FOCAD: variants seen among roughly 807,000 people sequenced by gnomAD.
FOCAD encodes focadhesin.
A neutral mutation model predicts 225.6 loss-of-function variants in FOCAD; 198 were observed. The ratio of observed to expected loss-of-function variants is 0.88; its 90% CI spans 0.78 to 0.99. FOCAD has a LOEUF of 0.99. Ranked by LOEUF, FOCAD falls within the 50% of genes least tolerant of loss-of-function variation. FOCAD has a pLI of 0.00. For missense variants in FOCAD, 2,713 were observed against 2,123.6 expected, an observed-to-expected ratio of 1.28 and a Z score of -5.46; for synonymous variants, 897 against 755.0, an observed-to-expected ratio of 1.19 and a Z score of -3.08.
chr9:20,670,420 G>C (rs1296400046), intron 2 of FOCAD, among the ~76,000 whole-genome samples: 2 of 152,192 alleles, frequency 1.3e-5, no homozygotes, highest in Non-Finnish European at 2.9e-5. Context: ...ATACAGTTCT[G>C]CATGGCTGGG....
chr9:20,749,852 T>G (rs1352292991), intron 5 of FOCAD, among the ~76,000 whole-genome samples: 2 of 152,156 alleles, frequency 1.3e-5, no homozygotes, highest in African/African-American at 2.4e-5. Flanking sequence ...CAGACTATTT[T>G]TTTTAACCCC....
rs535530762 is a variant in FOCAD, at chr9:20,715,554, TA to T, written c.57+146del. ...TGTGAAACAACTTTAAATATACATT[TA>T]ATTTGAAAATATATATTTGACATGG... On this transcript the variant is annotated intron_variant, in intron 2 of 43. Coordinates refer to ENST00000338382, the MANE Select transcript of FOCAD (RefSeq NM_001375567.1). The T allele has an allele frequency of 1.1e-3, 388 of 352,246 alleles. 6 individuals are homozygous for T. The East Asian group carries it at 0.015, about 14-fold the overall frequency. 21.8% of individuals were successfully genotyped at this position (352,246 alleles called of 1,614,324 possible).
chr9:20,921,077 A>G (rs968827343), intron 24 of FOCAD, among the ~76,000 whole-genome samples: 1 of 152,076 alleles, frequency 6.6e-6, no homozygotes, highest in African/African-American at 2.4e-5. Context: ...AAAAAAGAAC[A>G]TTTAAAGCTT....
At chr9:20,777,843 C>G (rs1374533798) in intron 8 of FOCAD, among the ~76,000 whole-genome samples, 2 of 151,962 alleles carry the variant, frequency 1.3e-5, no homozygotes, top group African/African-American at 2.4e-5. Context: ...TGGCTCACGC[C>G]TGTAATCCCA....
chr9:20,685,577 C>G (rs1383633769), intron 1 of FOCAD, among the ~76,000 whole-genome samples: 1 of 152,150 alleles, frequency 6.6e-6, no homozygotes, highest in African/African-American at 2.4e-5. Context: ...ATGAAGTAAT[C>G]ATGAGCTTTT....
intron 39 of FOCAD, among the ~76,000 whole-genome samples, chr9:20,983,933 A>C (rs760499702): frequency 6.6e-6 from 1 of 152,180 alleles, no homozygotes; most frequent in Non-Finnish European, 1.5e-5. Flanking sequence ...CTATTATTAC[A>C]TTCATGTAAT....
At chr9:20,960,829 T>G (rs1379419879) in intron 35 of FOCAD, among the ~76,000 whole-genome samples, 1 of 150,582 alleles carries the variant, frequency 6.6e-6, no homozygotes, top group Admixed American at 6.6e-5. Context: ...CACCTATGAG[T>G]GAGAACATGT....
In FOCAD at chr9:20,717,826, G is replaced by GGTTTTTCA; in HGVS notation, c.91_92insTTTTTCAG (p.Glu31ValfsTer21). The GGTTTTTCA allele has an allele frequency of 6.2e-7, 1 of 1,612,650 alleles. No individual in the cohort carries two copies. The highest frequency in any genetic ancestry group is 1.1e-5 in the South Asian group (1 of 91,044). ...GTCATCTTATTGCTGCAGTCCTAAA[G>GGTTTTTCA]GAAAATGGTTTTTCAGAAAAGATTC... is the stretch of plus-strand genomic sequence containing the variant. On this transcript the variant is annotated frameshift_variant, in exon 3 of 44. Transcript: ENST00000338382. LOFTEE classifies it high-confidence loss of function.
At chr9:20,752,152 CTTTAG>C (rs1240417387) in intron 5 of FOCAD, among the ~76,000 whole-genome samples, 7 of 150,618 alleles carry the variant, frequency 4.6e-5, no homozygotes, top group Non-Finnish European at 8.9e-5. Context: ...TGCAGAAGCT[CTTTAG>C]TTTAATTAGA....
intron 1 of FOCAD, among the ~76,000 whole-genome samples, chr9:20,709,892 T>G (rs1587290462): frequency 6.6e-6 from 1 of 152,208 alleles, no homozygotes; most frequent in African/African-American, 2.4e-5. Flanking sequence ...GTAATTTAGA[T>G]AAAAACAACA....
chr9:20,961,680 C>G lies in FOCAD; in HGVS notation c.4132+8615C>G, dbSNP rs1030598646. 2.6e-5 allele frequency among the ~76,000 whole-genome samples: 4 copies of G among 152,144 alleles called. 1 individual carries two copies. Among genetic ancestry groups the G allele is most frequent in the African/African-American group, 9.7e-5 (4 of 41,414 alleles). On this transcript the variant is annotated intron_variant, in intron 35 of 43. Transcript: ENST00000338382. ...CTTTTTGTATTTGTAACTCCCTTCT[C>G]TGACAGTAAGAAACTTGACTCTCAT...
intron 8 of FOCAD, among the ~76,000 whole-genome samples, chr9:20,778,411 G>A (rs192545490): frequency 1.1e-4 from 16 of 152,100 alleles, no homozygotes; most frequent in South Asian, 2.1e-4. Flanking sequence ...TGATAGAGAC[G>A]GGGTTTCACC....
In FOCAD at chr9:20,824,673, T is replaced by G. The variant is rs138949819; in HGVS notation, c.1920+1558T>G. ...TTGTTCTATGTGTCCTTTGACTAAT[T>G]TAGTTAGCTTCTCTGAAACTTTGTT... On this transcript the variant is annotated intron_variant, in intron 15 of 43. Transcript: ENST00000338382. 4.8e-3 allele frequency among the ~76,000 whole-genome samples: 724 copies of G among 152,190 alleles called. 29 individuals carry two copies. Among genetic ancestry groups the G allele is most frequent in the Admixed American group, 0.046 (696 of 15,270 alleles).
intron 1 of FOCAD, among the ~76,000 whole-genome samples, 185 bp from the exon 2 acceptor site, chr9:20,715,137 A>G (rs370306624): frequency 2.0e-5 from 3 of 152,196 alleles, no homozygotes; most frequent in South Asian, 2.1e-4. Flanking sequence ...TTATTTATCA[A>G]TCATGACATT....
chr9:20,961,716 A>G (rs1838748474), intron 35 of FOCAD, among the ~76,000 whole-genome samples: 1 of 152,088 alleles, frequency 6.6e-6, no homozygotes, highest in Non-Finnish European at 1.5e-5. Flanking sequence ...TATCCTCAAT[A>G]TATTTACTCA....
rs1272896458 is a variant in FOCAD, at chr9:20,821,753, TTTG to T, written c.1793+686_1793+688del. 2.0e-5 allele frequency among the ~76,000 whole-genome samples: 3 copies of T among 152,118 alleles called. No individual in the cohort carries two copies. In the East Asian group the frequency reaches 5.8e-4, roughly 29 times the overall value. On this transcript the variant is annotated intron_variant, in intron 14 of 43. Transcript: ENST00000338382. ...TTGAAACTGTAGTCCTGCAGTTTCA[TTTG>T]TTGATCAGCCACTGCGTTGAATTCC...
chr9:20,974,890 T>C (rs1286256174), intron 35 of FOCAD, among the ~76,000 whole-genome samples: 1 of 152,082 alleles, frequency 6.6e-6, no homozygotes, highest in Non-Finnish European at 1.5e-5. Context: ...CATCTACTGA[T>C]TCTGCTACTT....
chr9:20,937,119 G>C (rs559591901), intron 28 of FOCAD, among the ~76,000 whole-genome samples: 2 of 150,378 alleles, frequency 1.3e-5, no homozygotes, highest in African/African-American at 4.9e-5. Context: ...CTCATGGGTA[G>C]GAAGAATCAA....
At chr9:20,757,856 A>G (rs1829198382) in intron 5 of FOCAD, among the ~76,000 whole-genome samples, 1 of 152,172 alleles carries the variant, frequency 6.6e-6, no homozygotes, top group Non-Finnish European at 1.5e-5. Context: ...TGGATCTCTG[A>G]GGCTCCTGTG....
Sources: allele counts gnomAD v4.1 joint callset (sites outside exome capture counted in the v4.1 genomes callset), GRCh38; gene constraint gnomAD v4.1.1; transcripts MANE v1.5; gene names NCBI Gene and HGNC (gene_info 2026-07-23, HGNC 2026-07-21).